CADPS: variants seen among roughly 807,000 people sequenced by gnomAD.
The protein encoded by CADPS is calcium-dependent secretion activator 1.
In CADPS, 57 loss-of-function variants were observed where a neutral mutation model predicts 167.3. The ratio of observed to expected loss-of-function variants is 0.34; its 90% CI spans 0.28 to 0.42. The LOEUF (loss-of-function observed/expected upper bound fraction) is 0.42. CADPS is among the 20% of genes least tolerant of loss of function. The pLI, the probability that CADPS is intolerant of heterozygous loss-of-function variation, is 1.00. For missense variants in CADPS, 1,414 were observed against 1,738.1 expected (o/e 0.81, Z 3.32); for synonymous variants, 676 against 635.3 (o/e 1.06, Z -0.96).
At chr3:62,824,664 C>G (rs1447107503) in intron 1 of CADPS, among the ~76,000 whole-genome samples, 1 of 152,082 alleles carries the variant, frequency 6.6e-6, no homozygotes, top group Non-Finnish European at 1.5e-5. Context: ...GCTCACAGCA[C>G]AAGTGAAGCA....
chr3:62,524,225 G>A (rs1195638399), intron 13 of CADPS, among the ~76,000 whole-genome samples: 3 of 152,164 alleles, frequency 2.0e-5, no homozygotes, highest in Non-Finnish European at 4.4e-5. Context: ...TAGCACCAAA[G>A]CATTATCTTC....
chr3:62,494,669 A>AT lies in CADPS; in HGVS notation c.2707-1005dup, dbSNP rs56153630. Among the ~76,000 whole-genome samples, 322 of 118,606 alleles carry AT rather than the reference A, an allele frequency of 2.7e-3. 5 individuals are homozygous for AT. The highest frequency in any genetic ancestry group is 0.011 in the South Asian group (41 of 3,848). The allele number at this position is 118,606 out of a possible 152,430, so 77.8% of individuals were successfully genotyped here. ...ACCTCATACCTGGCTCTTACCAGCAATTTTTTTTTTTTTTTTGGACGGAGT... is the reference window on the plus strand; with the variant it reads ...ACCTCATACCTGGCTCTTACCAGCAATTTTTTTTTTTTTTTTTGGACGGAGT... On this transcript the variant is annotated intron_variant, in intron 18 of 29. Coordinates refer to ENST00000383710, the MANE Select transcript of CADPS (RefSeq NM_003716.4).
intron 20 of CADPS, 102 bp downstream of exon 20, chr3:62,492,188 G>A (rs554942787): frequency 2.1e-6 from 2 of 943,752 alleles, no homozygotes; most frequent in South Asian, 3.2e-5. Context: ...AAACCATGAA[G>A]AGCTATGTCA....
At chr3:62,665,720 T>G (rs1478988761) in intron 3 of CADPS, among the ~76,000 whole-genome samples, 1 of 152,160 alleles carries the variant, frequency 6.6e-6, no homozygotes, top group Non-Finnish European at 1.5e-5. Flanking sequence ...GCTGGATTCC[T>G]CCCTAAGAAA....
At chr3:62,682,314 GC>G in intron 3 of CADPS, among the ~76,000 whole-genome samples, 1 of 152,010 alleles carries the variant, frequency 6.6e-6, no homozygotes, top group Admixed American at 6.6e-5. Flanking sequence ...CCCCTAGGAA[GC>G]AGTGAATCAC....
chr3:62,491,895 G>A (rs570293537), intron 20 of CADPS, among the ~76,000 whole-genome samples: 1 of 152,168 alleles, frequency 6.6e-6, no homozygotes, highest in Admixed American at 6.5e-5. Flanking sequence ...CTATTTTATG[G>A]CTGTTGTCAC....
At chr3:62,789,028 C>G (rs1315986935) in intron 1 of CADPS, among the ~76,000 whole-genome samples, 2 of 152,152 alleles carry the variant, frequency 1.3e-5, no homozygotes, top group Admixed American at 1.3e-4. Context: ...TTCTCCCTGA[C>G]TTTTGCTGAG....
At chr3:62,597,916 A>G (rs904037221) in intron 6 of CADPS, among the ~76,000 whole-genome samples, 2 of 152,150 alleles carry the variant, frequency 1.3e-5, no homozygotes, top group African/African-American at 4.8e-5. Flanking sequence ...TCATCTAATC[A>G]GGACTGGCTG....
intron 3 of CADPS, among the ~76,000 whole-genome samples, chr3:62,748,919 C>G (rs2082112140): frequency 6.6e-6 from 1 of 152,070 alleles, no homozygotes; most frequent in Non-Finnish European, 1.5e-5. Context: ...GGTCTAAAAC[C>G]CTTGGACTCA....
intron 26 of CADPS, among the ~76,000 whole-genome samples, chr3:62,460,833 G>T (rs1005312745): frequency 2.6e-5 from 4 of 152,150 alleles, no homozygotes; most frequent in African/African-American, 9.6e-5. Context: ...CTGGACATAC[G>T]GTAGGTTTCA....
intron 7 of CADPS, among the ~76,000 whole-genome samples, chr3:62,590,092 G>T (rs1353238476): frequency 6.6e-6 from 1 of 151,998 alleles, no homozygotes; most frequent in Middle Eastern, 3.4e-3. Context: ...GGGAGGCTGA[G>T]GCATGAGAAT....
intron 6 of CADPS, 95 bp from the exon 7 acceptor site, chr3:62,592,843 C>G: frequency 1.3e-6 from 1 of 797,540 alleles, no homozygotes; most frequent in Non-Finnish European, 2.0e-6. Flanking sequence ...GCAGGGTTAA[C>G]CCAAGGCAGC....
chr3:62,444,831 A>G (rs963110808), intron 27 of CADPS, among the ~76,000 whole-genome samples: 10 of 152,222 alleles, frequency 6.6e-5, no homozygotes, highest in African/African-American at 2.4e-4. Context: ...AAAAAAACAA[A>G]TTTTAACAAA....
chr3:62,769,929 GA>G (rs2088122343), intron 1 of CADPS, among the ~76,000 whole-genome samples: 2 of 152,122 alleles, frequency 1.3e-5, no homozygotes, highest in African/African-American at 4.8e-5. Flanking sequence ...CTAAAAAGAT[GA>G]AAAGGAAATG....
At chr3:62,508,401 T>C (rs2067081067) in intron 17 of CADPS, among the ~76,000 whole-genome samples, 2 of 152,214 alleles carry the variant, frequency 1.3e-5, no homozygotes, top group African/African-American at 2.4e-5. Flanking sequence ...CTTTATAGTG[T>C]AGAAGTTGAA....
At position 62,875,104 on chromosome 3, in the gene CADPS, G is replaced by A. The variant is rs951465639; in HGVS notation, c.-75C>T. On this transcript the variant is annotated 5_prime_UTR_variant, in exon 1 of 30. Transcript: ENST00000383710. ...AAGGTGGGGGGCGCTGGAGGCAGCC[G>A]GGGATCAGCTCTCCCGGGTGGGCGC... is the stretch of plus-strand genomic sequence containing the variant. 9.1e-6 allele frequency: 13 copies of A among 1,428,768 alleles called. No individual in the cohort carries two copies. In the African/African-American group the frequency reaches 1.4e-4, roughly 15 times the overall value. The allele number at this position is 1,428,768 out of a possible 1,614,324, so 88.5% of individuals were successfully genotyped here.
rs1431679203 is a variant in CADPS, at chr3:62,420,609, T to A, written c.3778-17424A>T. ...TCTCCTAGGAGGGAATATTTGGGTG[T>A]CCATAGCAACTGCCCAATTAAGGGA... On this transcript the variant is annotated intron_variant, in intron 28 of 29. Coordinates refer to ENST00000383710, the MANE Select transcript of CADPS (RefSeq NM_003716.4). This position sits in a 1 kb window ranked among gnomAD's most constrained non-coding sequence, Gnocchi z 4.1. 5.3e-5 allele frequency among the ~76,000 whole-genome samples: 8 copies of A among 152,034 alleles called. No individual in the cohort carries two copies. The highest frequency in any genetic ancestry group is 8.8e-5 in the Non-Finnish European group (6 of 68,010).
chr3:62,749,792 A>G (rs1045019646), intron 3 of CADPS, among the ~76,000 whole-genome samples: 3 of 152,186 alleles, frequency 2.0e-5, no homozygotes, highest in African/African-American at 4.8e-5. Context: ...CAGACTTCAT[A>G]TGAAAGCTGC....
At chr3:62,782,491 A>C (rs1398792086) in intron 1 of CADPS, among the ~76,000 whole-genome samples, 3 of 152,194 alleles carry the variant, frequency 2.0e-5, no homozygotes, top group Admixed American at 6.5e-5. Context: ...TTCACGCCCA[A>C]CACTTTACTT....
Sources: gnomAD v4.1 joint callset for allele counts (sites outside exome capture counted in the v4.1 genomes callset) on GRCh38, gnomAD v4.1.1 for gene constraint, Gnocchi (gnomAD v3.1) non-coding constraint, MANE v1.5 for transcripts, NCBI Gene and HGNC (gene_info 2026-07-23, HGNC 2026-07-21) for gene names.